Variants in AHNAK2 observed in about 807,000 individuals in gnomAD.
AHNAK2 encodes AHNAK nucleoprotein 2.
AHNAK2 carries 18 observed loss-of-function variants against 30.7 expected under a neutral mutation model. The observed-to-expected ratio is 0.59, with a 90% CI of 0.41 to 0.87. The LOEUF is 0.87. AHNAK2 is among the 40% of genes least tolerant of loss of function. The probability of loss-of-function intolerance (pLI) is 0.00; values close to 1 mark genes in which losing one functional copy is unlikely to be tolerated. For missense variants in AHNAK2, 8,604 were observed against 7,373.0 expected (o/e 1.17, Z -6.11); for synonymous variants, 3,590 against 3,073.8 (o/e 1.17, Z -5.56).
rs1566894106 is a variant in AHNAK2, at chr14:104,938,492, C to T, written c.16959G>A (p.Gly5653=). The change falls in exon 7 of 7, where the codon GGG becomes GGA. Residue 5653 remains glycine (G), a synonymous_variant. Coordinates refer to ENST00000333244, the MANE Select transcript of AHNAK2 (RefSeq NM_138420.4). The part of the protein sequence containing the change: ...GLLWFWLPNI[G]FSSSVDETGV... ...CTGTCTCATCAACAGAAGAGGAAAA[C>T]CCAATGTTTGGAAGCCAAAACCAGA... is the stretch of plus-strand genomic sequence containing the variant. 4 of 1,613,808 alleles carry T rather than the reference C, an allele frequency of 2.5e-6. No homozygotes were observed. The East Asian group carries it at 8.9e-5, about 36-fold the overall frequency.
At position 104,953,446 on chromosome 14, in the gene AHNAK2, C is replaced by T. The variant is rs370271542; in HGVS notation, c.2005G>A (p.Ala669Thr). The change falls in exon 7 of 7, where the codon GCC becomes ACC. Residue 669 changes from alanine (A) to threonine (T), a missense_variant. Physicochemically the swap from Ala to Thr is moderately conservative, Grantham distance 58. Coordinates refer to ENST00000333244, the MANE Select transcript of AHNAK2 (RefSeq NM_138420.4). ...ATTTTGAACTTGCTGTCTTTGGTGG[C>T]CACTTCCTTTTCTGTCAGAATTTGT... ...KEQILTEKEV[A>T]TKDSKFKMPK... 4.1e-5 allele frequency: 66 copies of T among 1,613,884 alleles called. No individual in the cohort carries two copies. The highest frequency in any genetic ancestry group is 5.1e-5 in the Non-Finnish European group (60 of 1,179,906).
rs759639746 is a variant in AHNAK2 at position 104,947,379 on chromosome 14, A to G, written c.8072T>C (p.Leu2691Pro). 3 of 1,612,358 alleles carry G rather than the reference A, an allele frequency of 1.9e-6. No homozygotes were observed. The highest frequency in any genetic ancestry group is 2.5e-6 in the Non-Finnish European group (3 of 1,179,512). Residue 2691 changes from leucine to proline, a missense_variant, in exon 7 of 7, where the codon CTT becomes CCT. Physicochemically the swap from Leu to Pro is moderately conservative, Grantham distance 98. Coordinates refer to ENST00000333244, the MANE Select transcript of AHNAK2 (RefSeq NM_138420.4). ...DMSLPSMQGD[L>P]KTTDISIQPP... is the part of the protein sequence containing the mutation. ...CTGAATGCTGATGTCAGTGGTCTTA[A>G]GGTCCCCTTGCATGGAGGGGAGGCT...
chr14:104,960,103 T>C (rs1280643771), intron 1 of AHNAK2, among the ~76,000 whole-genome samples: 2 of 152,240 alleles, frequency 1.3e-5, no homozygotes, highest in East Asian at 3.8e-4. Flanking sequence ...AGGCTGGATT[T>C]AGAAGACAGA....
At chr14:104,972,820 C>T (rs1324563887) in intron 1 of AHNAK2, among the ~76,000 whole-genome samples, 1 of 152,260 alleles carries the variant, frequency 6.6e-6, no homozygotes. Context: ...GCCAGGCACT[C>T]AGAACCGAGC....
At position 104,956,653 on chromosome 14, in the gene AHNAK2, G is replaced by A. The variant is rs200854519; in HGVS notation, c.250C>T (p.Arg84Trp). The part of the protein sequence containing the change: ...APGRQGSAGR[R>W]RSWWKRDSGD... ...GAATCTCGCTTCCACCAGGATCTCCGTCTCCCAGCAGAACCTTGCCTGCCG... is the reference window on the plus strand; with the variant it reads ...GAATCTCGCTTCCACCAGGATCTCCATCTCCCAGCAGAACCTTGCCTGCCG... The change falls in exon 4 of 7, where the codon CGG becomes TGG. Residue 84 changes from arginine (R) to tryptophan (W), a missense_variant. Transcript: ENST00000333244. 153 of 1,613,670 alleles carry A rather than the reference G, an allele frequency of 9.5e-5. No individual in the cohort carries two copies. The highest frequency in any genetic ancestry group is 7.3e-4 in the Admixed American group (44 of 59,990).
chr14:104,954,907 A>T lies in AHNAK2; in HGVS notation c.651+50T>A, dbSNP rs200422995. 4.0e-6 allele frequency: 2 copies of T among 504,582 alleles called. No individual in the cohort carries two copies. The highest frequency in any genetic ancestry group is 6.2e-6 in the Non-Finnish European group (2 of 321,640). 31.3% of individuals were successfully genotyped at this position (504,582 alleles called of 1,614,324 possible). ...CTATCCCCTCCCAGGCTCAGCCAGC[A>T]GGGTAGTGAAGCCAGCTGGGGCCCT... On this transcript the variant is annotated intron_variant, in intron 6 of 6. Transcript: ENST00000333244. The surrounding 1 kb of genome is among the most constrained non-coding windows in gnomAD (Gnocchi z 4.3).
At position 104,944,185 on chromosome 14, in the gene AHNAK2, C is replaced by T. The variant is rs1898135402; in HGVS notation, c.11266G>A (p.Glu3756Lys). 1.2e-6 allele frequency: 2 copies of T among 1,613,392 alleles called. No individual in the cohort carries two copies. The highest frequency in any genetic ancestry group is 1.7e-6 in the Non-Finnish European group (2 of 1,179,726). Residue 3756 changes from glutamate to lysine, a missense_variant, in exon 7 of 7, where the codon GAA becomes AAA. Coordinates refer to ENST00000333244, the MANE Select transcript of AHNAK2 (RefSeq NM_138420.4). ...ACCTCCACATCAGGGGCTGTGACTTCCGCCTTGGAGACTTTTAGGTCCAGC... is the reference window on the plus strand; with the variant it reads ...ACCTCCACATCAGGGGCTGTGACTTTCGCCTTGGAGACTTTTAGGTCCAGC... ...PKLDLKVSKAEVTAPDVEVSL... is the reference protein window; with the variant it reads ...PKLDLKVSKAKVTAPDVEVSL...
rs369991879 is a variant in AHNAK2, at chr14:104,939,541, C to G, written c.15910G>C (p.Gly5304Arg). 9.3e-6 allele frequency: 15 copies of G among 1,613,822 alleles called. No individual in the cohort carries two copies. Among genetic ancestry groups the G allele is most frequent in the Non-Finnish European group, 1.3e-5 (15 of 1,179,892 alleles). ...TSEVRIHPSK[G>R]PLPFQMPGMR... is the part of the protein sequence containing the mutation. ...CCAGGCATCTGAAAAGGGAGAGGTCCTTTGGATGGATGGATCCTGACCTCA... is the reference window on the plus strand; with the variant it reads ...CCAGGCATCTGAAAAGGGAGAGGTCGTTTGGATGGATGGATCCTGACCTCA... The change falls in exon 7 of 7, where the codon GGA (glycine) becomes CGA (arginine). Residue 5304 changes from glycine to arginine, a missense_variant. By Grantham distance (125) the Gly-to-Arg change is moderately radical. Coordinates refer to ENST00000333244, the MANE Select transcript of AHNAK2 (RefSeq NM_138420.4).
At position 104,978,289 on chromosome 14, in the gene AHNAK2, T is replaced by A; in HGVS notation, c.-52A>T. On this transcript the variant is annotated 5_prime_UTR_variant, in exon 1 of 7. Transcript: ENST00000333244. ...GCGGCCCGTCGCGTCCAGTCGCTGG[T>A]CCCGGCTCCGGCGCACGGGGCGGGC... 2 of 283,248 alleles carry A rather than the reference T, an allele frequency of 7.1e-6. No homozygotes were observed. The highest frequency in any genetic ancestry group is 1.1e-5 in the Non-Finnish European group (2 of 183,974). The allele number at this position is 283,248 out of a possible 1,614,324, so 17.5% of individuals were successfully genotyped here.
chr14:104,971,336 T>C (rs979239590), intron 1 of AHNAK2, among the ~76,000 whole-genome samples: 42 of 152,086 alleles, frequency 2.8e-4, no homozygotes, highest in African/African-American at 9.4e-4. Context: ...GCTGATCTCA[T>C]ACGCATGGGC....
Position 104,951,496 on chromosome 14 carries a change from T to G in AHNAK2, c.3955A>C (p.Lys1319Gln), listed in dbSNP as rs1380867724. Residue 1319 changes from lysine to glutamine, a missense_variant, in exon 7 of 7, where the codon AAG becomes CAG. Lys to Gln is a moderately conservative substitution (Grantham distance 53). Coordinates refer to ENST00000333244, the MANE Select transcript of AHNAK2 (RefSeq NM_138420.4). Reference protein sequence around the residue: ...QLDGDLSLADKDVTAKDSKFK... With the variant: ...QLDGDLSLADQDVTAKDSKFK... ...TTGCTGTCTTTGGCAGTCACGTCCT[T>G]GTCAGCCAGGGACAGGTCCCCGTCC... is the stretch of plus-strand genomic sequence containing the variant. 9 of 1,247,320 alleles carry G rather than the reference T, an allele frequency of 7.2e-6. 3 individuals carry two copies. Among genetic ancestry groups the G allele is most frequent in the Non-Finnish European group, 9.1e-6 (8 of 881,220 alleles). 77.3% of individuals were successfully genotyped at this position (1,247,320 alleles called of 1,614,324 possible).
Position 104,978,306 on chromosome 14 carries a change from G to A in AHNAK2, c.-69C>T, listed in dbSNP as rs1028773061. The stretch of plus-strand genomic sequence containing the variant: ...GTCGCTGGTCCCGGCTCCGGCGCAC[G>A]GGGCGGGCGGGCGGGAGCCGCGCTC... On this transcript the variant is annotated 5_prime_UTR_variant, in exon 1 of 7. Coordinates refer to ENST00000333244, the MANE Select transcript of AHNAK2 (RefSeq NM_138420.4). The A allele has an allele frequency of 1.0e-6, 1 of 969,546 alleles. No homozygotes were observed. Among genetic ancestry groups the A allele is most frequent in the Non-Finnish European group, 1.3e-6 (1 of 787,292 alleles). 60.1% of individuals were successfully genotyped at this position (969,546 alleles called of 1,614,324 possible). A position where few individuals can be genotyped will look rare whatever the true frequency, so the allele number is the denominator to read the frequency against.
chr14:104,955,366 G>A, intron 5 of AHNAK2, 117 bp downstream of exon 5: 2 of 1,422,520 alleles, frequency 1.4e-6, no homozygotes, highest in Non-Finnish European at 1.9e-6. Flanking sequence ...TTGAGCAGAG[G>A]CGTGAGGAGG....
rs565473345 is a variant in AHNAK2 at position 104,954,544 on chromosome 14, G to A, written c.907C>T (p.Gln303Ter). The A allele has an allele frequency of 8.1e-6, 13 of 1,609,682 alleles. No homozygotes were observed. The highest frequency in any genetic ancestry group is 7.7e-5 in the South Asian group (7 of 90,644). The change falls in exon 7 of 7, where the codon CAG (glutamine) becomes TAG (stop). Residue 303 changes from glutamine (Q) to a stop codon, truncating the protein, a stop_gained. Coordinates refer to ENST00000333244, the MANE Select transcript of AHNAK2 (RefSeq NM_138420.4). LOFTEE classifies it low-confidence loss of function (END_TRUNC). This position sits in a 1 kb window ranked among gnomAD's most constrained non-coding sequence, Gnocchi z 4.3. The part of the protein sequence containing the change: ...VSPTSTDTEA[Q>*]LTVERQEQKA... ...TGCTCTTGGCGCTCCACCGTGAGCTGGGCCTCTGTGTCTGTGCTTGTAGGG... is the reference window on the plus strand; with the variant it reads ...TGCTCTTGGCGCTCCACCGTGAGCTAGGCCTCTGTGTCTGTGCTTGTAGGG...
chr14:104,943,827 TG>T lies in AHNAK2; in HGVS notation c.11623del (p.His3875ThrfsTer32). On this transcript the variant is annotated frameshift_variant, in exon 7 of 7. Transcript: ENST00000333244. LOFTEE classifies it low-confidence loss of function (END_TRUNC). ...TTTGAGGCCGGCTTCCTCGGGCACG[TG>T]GCCCTCCAGGAGTTTCATGTCCACC... ...RQVDMKLLEG[H>X]VPEEAGLKGH... 1 of 1,611,850 alleles carries T rather than the reference TG, an allele frequency of 6.2e-7. No individual in the cohort carries two copies. The highest frequency in any genetic ancestry group is 2.2e-5 in the East Asian group (1 of 44,648).
rs535383396 is a variant in AHNAK2 at position 104,951,211 on chromosome 14, G to C, written c.4240C>G (p.Leu1414Val). Residue 1414 changes from leucine (L) to valine (V), a missense_variant, in exon 7 of 7, where the codon CTG (leucine) becomes GTG (valine). Coordinates refer to ENST00000333244, the MANE Select transcript of AHNAK2 (RefSeq NM_138420.4). Reference sequence around the variant, plus strand: ...GGCACCTTGAAACTGGGCATCTGCAGCTTGGGCAGGTGCCCTTTGAGGCCG... The same window carrying C: ...GGCACCTTGAAACTGGGCATCTGCACCTTGGGCAGGTGCCCTTTGAGGCCG... ...GAGLKGHLPK[L>V]QMPSFKVPKV... 196 of 1,058,204 alleles carry C rather than the reference G, an allele frequency of 1.9e-4. 25 individuals carry two copies. Among genetic ancestry groups the C allele is most frequent in the East Asian group, 1.2e-3 (52 of 43,350 alleles). The allele number at this position is 1,058,204 out of a possible 1,614,324, so 65.6% of individuals were successfully genotyped here.
In AHNAK2 at chr14:104,957,481, T is replaced by G; in HGVS notation, c.142A>C (p.Ile48Leu). The change falls in exon 3 of 7, where the codon ATT (isoleucine) becomes CTT (leucine). Residue 48 changes from isoleucine (I) to leucine (L), a missense_variant. Ile to Leu is a conservative substitution (Grantham distance 5, BLOSUM62 2). Transcript: ENST00000333244. ...SVTEGPADEG[I>L]RPRPQGSSPV... ...GAAGACCCCTGCGGCCGTGGTCGAA[T>G]GCCCTCATCCGCAGGCCCTTCAGTC... The G allele has an allele frequency of 6.2e-7, 1 of 1,601,488 alleles. No individual in the cohort carries two copies. Among genetic ancestry groups the G allele is most frequent in the Non-Finnish European group, 8.5e-7 (1 of 1,172,102 alleles).
At position 104,951,277 on chromosome 14, in the gene AHNAK2, A is replaced by C. The variant is rs202215045; in HGVS notation, c.4174T>G (p.Leu1392Val). ...STDLELQAGQ[L>V]DVKLPEGPVP... ...GGGCCCTCTGGGAGTTTCACGTCCA[A>C]TTGGCCAGCCTGGAGCTCCAGGTCA... is the stretch of plus-strand genomic sequence containing the variant. Residue 1392 changes from leucine to valine, a missense_variant, in exon 7 of 7, where the codon TTG becomes GTG. Leu to Val is a conservative substitution (Grantham distance 32). Coordinates refer to ENST00000333244, the MANE Select transcript of AHNAK2 (RefSeq NM_138420.4). The C allele has an allele frequency of 5.8e-4, 603 of 1,042,880 alleles. 212 individuals carry two copies. The highest frequency in any genetic ancestry group is 8.4e-4 in the South Asian group (51 of 61,008). The allele number at this position is 1,042,880 out of a possible 1,614,324, so 64.6% of individuals were successfully genotyped here. A position where few individuals can be genotyped will look rare whatever the true frequency, so the allele number is the denominator to read the frequency against.
Position 104,938,441 on chromosome 14 carries a change from C to G in AHNAK2, c.17010G>C (p.Gln5670His), listed in dbSNP as rs956946525. The stretch of plus-strand genomic sequence containing the variant: ...GCTGTGTTTGAATGGGAGCAGATCT[C>G]TGGACGTCATTTTTGGAATCAACAC... ...ETGVDSKNDV[Q>H]RSAPIQTQPE... Residue 5670 changes from glutamine to histidine, a missense_variant, in exon 7 of 7, where the codon CAG becomes CAC. Physicochemically the swap from Gln to His is conservative, Grantham distance 24. Coordinates refer to ENST00000333244, the MANE Select transcript of AHNAK2 (RefSeq NM_138420.4). 1 of 1,613,792 alleles carries G rather than the reference C, an allele frequency of 6.2e-7. No individual in the cohort carries two copies. The highest frequency in any genetic ancestry group is 2.2e-5 in the East Asian group (1 of 44,896).
Sources: gnomAD v4.1 joint callset for allele counts (sites outside exome capture counted in the v4.1 genomes callset) on GRCh38, gnomAD v4.1.1 for gene constraint, Gnocchi (gnomAD v3.1) non-coding constraint, MANE v1.5 for transcripts, NCBI Gene and HGNC (gene_info 2026-07-23, HGNC 2026-07-21) for gene names.